The following TRIO variants were observed in gnomAD, a reference collection of about 807,000 sequenced individuals.
TRIO encodes trio Rho guanine nucleotide exchange factor.
Under a neutral mutation model 351.9 loss-of-function variants are expected in TRIO, and 58 were observed. The observed-to-expected ratio is 0.16, with a 90% CI of 0.13 to 0.21. TRIO has a LOEUF of 0.21. TRIO is among the 10% of genes least tolerant of loss of function. The pLI is 1.00. For synonymous variants in TRIO, 1,758 were observed against 1,595.7 expected, an observed-to-expected ratio of 1.10 and a Z score of -2.42; for missense variants, 3,201 against 4,027.8, an observed-to-expected ratio of 0.79 and a Z score of 5.56.
intron 1 of TRIO, among the ~76,000 whole-genome samples, chr5:14,239,686 C>T (rs1794011307): frequency 6.6e-6 from 1 of 152,166 alleles, no homozygotes; most frequent in African/African-American, 2.4e-5. Flanking sequence ...ACTCTAAAAA[C>T]CCACATTCTT....
At chr5:14,393,988 A>T in intron 27 of TRIO, 50 bp from the exon 28 acceptor site, 2 of 1,260,858 alleles carry the variant, frequency 1.6e-6, no homozygotes, top group Non-Finnish European at 2.3e-6. Flanking sequence ...GCCATGATTT[A>T]ATAGTGTAGC....
intron 1 of TRIO, among the ~76,000 whole-genome samples, chr5:14,184,777 G>T (rs1019100821): frequency 6.6e-6 from 1 of 152,140 alleles, no homozygotes; most frequent in Admixed American, 6.5e-5. Context: ...GGGTGTGAGC[G>T]TGGACGCCTC....
At position 14,390,214 on chromosome 5, in the gene TRIO, A is replaced by C. The variant is rs745663740; in HGVS notation, c.4059-17A>C. ...TAAAACACCTTTGTAATATGATACC[A>C]TTTTTATTCTTTGCAGCATATTCCT... On this transcript the variant is annotated splice_polypyrimidine_tract_variant and intron_variant, in intron 25 of 56. Coordinates refer to ENST00000344204, the MANE Select transcript of TRIO (RefSeq NM_007118.4). The C allele has an allele frequency of 6.2e-7, 1 of 1,611,060 alleles. No homozygotes were observed. Among genetic ancestry groups the C allele is most frequent in the Non-Finnish European group, 8.5e-7 (1 of 1,178,856 alleles).
intron 1 of TRIO, among the ~76,000 whole-genome samples, chr5:14,168,089 G>A (rs780866490): frequency 2.6e-4 from 39 of 152,170 alleles, no homozygotes; most frequent in Non-Finnish European, 4.3e-4. Flanking sequence ...TTTCTGGCAG[G>A]ATCCCTGGAA....
chr5:14,154,655 A>G lies in TRIO; in HGVS notation c.157+10773A>G, dbSNP rs925942409. Among the ~76,000 whole-genome samples, 5 of 152,180 alleles carry G rather than the reference A, an allele frequency of 3.3e-5. No homozygotes were observed. The East Asian group carries it at 7.7e-4, about 23-fold the overall frequency. ...GATGCTTGCTCAGGTTTATGCCCAC[A>G]TAAAACTTCTGAGCTGTTGTTTTCG... On this transcript the variant is annotated intron_variant, in intron 1 of 56. Transcript: ENST00000344204.
intron 33 of TRIO, among the ~76,000 whole-genome samples, chr5:14,408,300 T>A (rs1219412905): frequency 6.6e-6 from 1 of 152,232 alleles, no homozygotes; most frequent in African/African-American, 2.4e-5. Flanking sequence ...AGTGATTCCA[T>A]TTTCAATATC....
At chr5:14,423,182 G>A (rs915105904) in intron 34 of TRIO, among the ~76,000 whole-genome samples, 3 of 152,222 alleles carry the variant, frequency 2.0e-5, no homozygotes, top group African/African-American at 7.2e-5. Context: ...TCTTATTTGT[G>A]TTTGTCGTTT....
At chr5:14,383,019 T>C (rs1470969380) in intron 21 of TRIO, among the ~76,000 whole-genome samples, 2 of 152,180 alleles carry the variant, frequency 1.3e-5, no homozygotes, top group East Asian at 1.9e-4. Context: ...GGCACCATAA[T>C]GGCTCAGTGC....
In TRIO at chr5:14,487,883, A is replaced by C; in HGVS notation, c.7255A>C (p.Arg2419=). The change falls in exon 48 of 57, where the codon AGG becomes CGG. Residue 2419 remains arginine, a synonymous_variant. Transcript: ENST00000344204. ...IPKMKVLESP[R]KGAANASGSS... ...CAAGATGAAGGTGCTGGAGAGCCCCAGGAAAGGCGCCGCGAACGCCTCGGG... is the reference window on the plus strand; with the variant it reads ...CAAGATGAAGGTGCTGGAGAGCCCCCGGAAAGGCGCCGCGAACGCCTCGGG... 1 of 1,540,626 alleles carries C rather than the reference A, an allele frequency of 6.5e-7. No individual in the cohort carries two copies. Among genetic ancestry groups the C allele is most frequent in the Non-Finnish European group, 8.7e-7 (1 of 1,143,186 alleles).
intron 1 of TRIO, among the ~76,000 whole-genome samples, chr5:14,236,384 A>G (rs573523171): frequency 2.6e-5 from 4 of 152,352 alleles, no homozygotes; most frequent in Non-Finnish European, 4.4e-5. Flanking sequence ...TACTGAAGGT[A>G]ATGAATACTT....
chr5:14,172,009 A>C (rs1448901012), intron 1 of TRIO, among the ~76,000 whole-genome samples: 4 of 152,236 alleles, frequency 2.6e-5, no homozygotes, highest in Non-Finnish European at 4.4e-5. Flanking sequence ...ATACACCTGC[A>C]GATAAGTTGA....
At chr5:14,491,001 T>C (rs1756442810) in intron 48 of TRIO, among the ~76,000 whole-genome samples, 1 of 152,146 alleles carries the variant, frequency 6.6e-6, no homozygotes, top group African/African-American at 2.4e-5. Flanking sequence ...AGGCAAACAG[T>C]GGGCACCCAC....
intron 31 of TRIO, among the ~76,000 whole-genome samples, chr5:14,403,740 TGGTGAGGGTGCAGGTGGTG>T (rs1748422898): frequency 7.5e-6 from 1 of 133,124 alleles, no homozygotes; most frequent in African/African-American, 2.9e-5. Context: ...GTGCAGGTGG[TGGTGAGGGTGCAGGTGGTG>T]GTGGTGAGGG....
At position 14,316,836 on chromosome 5, in the gene TRIO, G is replaced by T. The variant is rs757507399; in HGVS notation, c.1731+93G>T. 286 of 1,357,440 alleles carry T rather than the reference G, an allele frequency of 2.1e-4. 1 individual carries two copies. Among genetic ancestry groups the T allele is most frequent in the Non-Finnish European group, 2.8e-4 (275 of 988,224 alleles). 84.1% of individuals were successfully genotyped at this position (1,357,440 alleles called of 1,614,324 possible). ...CATATTGGGAAGATCTGTGCTTAAG[G>T]AGTGATGACTAGAAGATAAGGAGAG... On this transcript the variant is annotated intron_variant, in intron 9 of 56. Coordinates refer to ENST00000344204, the MANE Select transcript of TRIO (RefSeq NM_007118.4).
In TRIO at chr5:14,289,848, C is replaced by CA. The variant is rs963330153; in HGVS notation, c.541-859dup. Among the ~76,000 whole-genome samples the CA allele has an allele frequency of 3.2e-4, 48 of 147,934 alleles. 1 individual carries two copies. Among genetic ancestry groups the CA allele is most frequent in the African/African-American group, 5.0e-4 (20 of 40,024 alleles). On this transcript the variant is annotated intron_variant, in intron 4 of 56. Coordinates refer to ENST00000344204, the MANE Select transcript of TRIO (RefSeq NM_007118.4). Reference sequence around the variant, plus strand: ...TGGGTGACAGAGCAAGACTCCATCTCAAAAAAAAATAATAATAATAAATAT... The same window carrying CA: ...TGGGTGACAGAGCAAGACTCCATCTCAAAAAAAAAATAATAATAATAAATAT...
Position 14,508,248 on chromosome 5 carries a change from G to A in TRIO, c.9120G>A (p.Ser3040=), listed in dbSNP as rs771029944. The A allele has an allele frequency of 5.5e-5, 88 of 1,614,072 alleles. 1 individual carries two copies. Among genetic ancestry groups the A allele is most frequent in the East Asian group, 3.1e-4 (14 of 44,884 alleles). The change falls in exon 57 of 57, where the codon TCG becomes TCA. Residue 3040 remains serine (S), a synonymous_variant. Coordinates refer to ENST00000344204, the MANE Select transcript of TRIO (RefSeq NM_007118.4). Reference sequence around the variant, plus strand: ...AGGAGGACCCCGCCAAGCGTCCCTCGGCTGCGCTGGCCCTCCAGGAGCAGT... The same window carrying A: ...AGGAGGACCCCGCCAAGCGTCCCTCAGCTGCGCTGGCCCTCCAGGAGCAGT... ...LLQEDPAKRP[S]AALALQEQWL... is the part of the protein sequence containing the mutation.
chr5:14,212,460 G>A (rs1489986745), intron 1 of TRIO, among the ~76,000 whole-genome samples: 1 of 152,142 alleles, frequency 6.6e-6, no homozygotes, highest in African/African-American at 2.4e-5. Flanking sequence ...TCACATACCT[G>A]CTCAAACGTG....
chr5:14,294,932 G>C (rs1169770052), intron 6 of TRIO, among the ~76,000 whole-genome samples: 2 of 151,880 alleles, frequency 1.3e-5, no homozygotes, highest in Admixed American at 1.3e-4. Flanking sequence ...TTTTTGGGAG[G>C]GGGGTCGAAT....
At chr5:14,328,441 A>C (rs1740602118) in intron 9 of TRIO, among the ~76,000 whole-genome samples, 1 of 152,248 alleles carries the variant, frequency 6.6e-6, no homozygotes, top group African/African-American at 2.4e-5. Flanking sequence ...TGTGCTCAAT[A>C]CACTAGTTAG....
Sources: allele counts gnomAD v4.1 joint callset (sites outside exome capture counted in the v4.1 genomes callset), GRCh38; gene constraint gnomAD v4.1.1; transcripts MANE v1.5; gene names NCBI Gene and HGNC (gene_info 2026-07-23, HGNC 2026-07-21).